PRKG1: variants seen among roughly 807,000 people sequenced by gnomAD.
PRKG1 encodes cGMP-dependent protein kinase 1.
Under a neutral mutation model 88.1 loss-of-function variants are expected in PRKG1, and 35 were observed. The ratio of observed to expected loss-of-function variants is 0.40; its 90% CI spans 0.30 to 0.53. The LOEUF (loss-of-function observed/expected upper bound fraction) is 0.53. Among genes scored for constraint, PRKG1 ranks in the 20% least tolerant of loss-of-function variants. The pLI, the probability that PRKG1 is intolerant of heterozygous loss-of-function variation, is 0.59. For synonymous variants in PRKG1, 303 were observed against 292.5 expected, an observed-to-expected ratio of 1.04 and a Z score of -0.37; for missense variants, 540 against 839.8, an observed-to-expected ratio of 0.64 and a Z score of 4.41.
rs77899319 is a variant in PRKG1 at position 52,191,036 on chromosome 10, G to T, written c.1076+29073G>T. Among the ~76,000 whole-genome samples, 337 of 152,088 alleles carry T rather than the reference G, an allele frequency of 2.2e-3. 1 individual carries two copies. The highest frequency in any genetic ancestry group is 7.1e-3 in the African/African-American group (295 of 41,478). ...TTTCCTCAATTTTCTCAAACACCTC[G>T]CTTTTAAAGTTGATTTGTTTGATTC... On this transcript the variant is annotated intron_variant, in intron 9 of 17. Coordinates refer to ENST00000373980, the MANE Select transcript of PRKG1 (RefSeq NM_006258.4).
chr10:52,007,343 A>G (rs533991541), intron 5 of PRKG1, among the ~76,000 whole-genome samples: 1 of 152,244 alleles, frequency 6.6e-6, no homozygotes, highest in African/African-American at 2.4e-5. Context: ...AAGGTGGATA[A>G]AGAAATGAGA....
At chr10:51,962,922 T>C (rs184664718) in intron 5 of PRKG1, among the ~76,000 whole-genome samples, 235 of 152,228 alleles carry the variant, frequency 1.5e-3, no homozygotes, top group African/African-American at 5.4e-3. Flanking sequence ...TATTATGGAG[T>C]AGGTTTATCT....
intron 2 of PRKG1, among the ~76,000 whole-genome samples, chr10:51,177,845 AG>A (rs1409562476): frequency 3.3e-5 from 5 of 151,970 alleles, no homozygotes; most frequent in Non-Finnish European, 7.4e-5. Context: ...AATTATTTTT[AG>A]AAATTCTGAC....
intron 1 of PRKG1, among the ~76,000 whole-genome samples, chr10:50,997,825 G>A (rs1842851108): frequency 6.6e-6 from 1 of 152,082 alleles, no homozygotes. Flanking sequence ...GAGAAAAGAG[G>A]AAGTAAAAAA....
intron 3 of PRKG1, among the ~76,000 whole-genome samples, chr10:51,779,029 A>G (rs914736826): frequency 6.6e-6 from 1 of 152,220 alleles, no homozygotes; most frequent in African/African-American, 2.4e-5. Flanking sequence ...ATGGAGAAAC[A>G]GAAGGAACAG....
chr10:51,085,366 T>C (rs896395305), intron 1 of PRKG1, among the ~76,000 whole-genome samples: 3 of 152,068 alleles, frequency 2.0e-5, no homozygotes, highest in African/African-American at 7.2e-5. Flanking sequence ...CATCTGAAAG[T>C]GACAGGTACC....
chr10:51,063,169 T>C (rs1255168423), intron 1 of PRKG1, among the ~76,000 whole-genome samples: 1 of 152,224 alleles, frequency 6.6e-6, no homozygotes, highest in African/African-American at 2.4e-5. Flanking sequence ...TTTTCCTTGT[T>C]ATGGGTATGT....
chr10:52,104,613 C>T (rs566475040), intron 7 of PRKG1, among the ~76,000 whole-genome samples: 14 of 152,244 alleles, frequency 9.2e-5, no homozygotes, highest in Admixed American at 4.6e-4. Flanking sequence ...AGATGGAATA[C>T]ATACATGGTG....
intron 1 of PRKG1, among the ~76,000 whole-genome samples, chr10:50,994,712 A>G (rs1842818223): frequency 6.6e-6 from 1 of 151,932 alleles, no homozygotes; most frequent in African/African-American, 2.4e-5. Flanking sequence ...CAGTTTTTAT[A>G]CCAACAAGAA....
chr10:52,128,242 TGCTG>T (rs1173185170), intron 7 of PRKG1: 5 of 984,912 alleles, frequency 5.1e-6, no homozygotes, highest in African/African-American at 3.5e-5. Context: ...ACTGAGAGAG[TGCTG>T]GGACTCTGTG....
chr10:51,627,949 TC>T (rs1839390154), intron 3 of PRKG1, among the ~76,000 whole-genome samples: 8 of 49,034 alleles, frequency 1.6e-4, no homozygotes, highest in Non-Finnish European at 3.4e-4. Context: ...TTCCTTTCTT[TC>T]TTTCTTTCTT....
chr10:51,716,401 A>G (rs528813611), intron 3 of PRKG1, among the ~76,000 whole-genome samples: 8 of 152,320 alleles, frequency 5.3e-5, no homozygotes, highest in East Asian at 1.9e-4. Context: ...AAGCCCAGGT[A>G]TCTGGACAGT....
chr10:52,134,810 C>G (rs1192377528), intron 8 of PRKG1, among the ~76,000 whole-genome samples: 1 of 152,106 alleles, frequency 6.6e-6, no homozygotes, highest in Non-Finnish European at 1.5e-5. Context: ...GAAATTCTAC[C>G]TGATTTACAA....
chr10:51,618,409 G>C (rs1038292429), intron 3 of PRKG1, among the ~76,000 whole-genome samples: 1 of 152,102 alleles, frequency 6.6e-6, no homozygotes, highest in Non-Finnish European at 1.5e-5. Context: ...GGAGGGAGAG[G>C]CATCCCCAGA....
intron 5 of PRKG1, among the ~76,000 whole-genome samples, chr10:52,042,824 C>T (rs61849880): frequency 0.13 from 19,065 of 152,066 alleles, 1,529 homozygotes; most frequent in Non-Finnish European, 0.18. Flanking sequence ...AATTATACAT[C>T]CAACTGGGCA....
intron 10 of PRKG1, among the ~76,000 whole-genome samples, chr10:52,267,645 A>G (rs555721515): frequency 5.9e-5 from 9 of 152,170 alleles, no homozygotes; most frequent in East Asian, 3.9e-4. Flanking sequence ...ATGTGTGTGT[A>G]TATATATACA....
chr10:51,083,221 G>C (rs1844157617), intron 1 of PRKG1, among the ~76,000 whole-genome samples: 1 of 152,168 alleles, frequency 6.6e-6, no homozygotes, highest in Non-Finnish European at 1.5e-5. Flanking sequence ...AGTGGCAGCA[G>C]CTCTGTTCAG....
intron 2 of PRKG1, among the ~76,000 whole-genome samples, chr10:51,436,318 G>A (rs1285398746): frequency 6.6e-5 from 10 of 151,884 alleles, no homozygotes; most frequent in Admixed American, 1.3e-4. Context: ...GTTAGTGTGC[G>A]TGTGTTTGTG....
At chr10:51,390,989 T>C (rs1394546561) in intron 2 of PRKG1, among the ~76,000 whole-genome samples, 1 of 152,218 alleles carries the variant, frequency 6.6e-6, no homozygotes, top group Non-Finnish European at 1.5e-5. Context: ...TTTGATTTAG[T>C]CTTCGTAAAC....
Sources: allele counts gnomAD v4.1 joint callset (sites outside exome capture counted in the v4.1 genomes callset), GRCh38; gene constraint gnomAD v4.1.1; transcripts MANE v1.5; gene names NCBI Gene and HGNC (gene_info 2026-07-23, HGNC 2026-07-21).